SH3RF2: variants seen among roughly 807,000 people sequenced by gnomAD.
SH3RF2 encodes SH3 domain containing ring finger 2, also known as E3 ubiquitin-protein ligase SH3RF2.
SH3RF2 carries 43 observed loss-of-function variants against 59.0 expected under a neutral mutation model. The observed-to-expected ratio is 0.73, with a 90% CI of 0.57 to 0.94. The LOEUF is 0.94. SH3RF2 is among the 40% of genes least tolerant of loss of function. The probability of loss-of-function intolerance (pLI) is 0.00; values close to 1 mark genes in which losing one functional copy is unlikely to be tolerated. For synonymous variants in SH3RF2, 391 were observed against 391.5 expected (o/e 1.00, Z 0.01); for missense variants, 930 against 940.1 (o/e 0.99, Z 0.14).
chr5:146,009,445 G>A, intron 4 of SH3RF2, among the ~76,000 whole-genome samples: 1 of 151,898 alleles, frequency 6.6e-6, no homozygotes, highest in Middle Eastern at 3.2e-3. Flanking sequence ...TCCCTCTTTA[G>A]GACTTTCAGA....
intron 2 of SH3RF2, among the ~76,000 whole-genome samples, chr5:145,982,494 C>T (rs1024330210): frequency 2.0e-5 from 3 of 152,162 alleles, no homozygotes; most frequent in Admixed American, 2.0e-4. Context: ...GCAGGAGCCT[C>T]CCCTGGTTCT....
chr5:145,937,385 A>G (rs1025924280), intron 1 of SH3RF2, among the ~76,000 whole-genome samples: 1 of 152,210 alleles, frequency 6.6e-6, no homozygotes, highest in Non-Finnish European at 1.5e-5. Flanking sequence ...CATGTGGTGC[A>G]GATAATAGAT....
At chr5:145,974,193 C>G (rs1477027709) in intron 2 of SH3RF2, among the ~76,000 whole-genome samples, 3 of 152,220 alleles carry the variant, frequency 2.0e-5, no homozygotes, top group Non-Finnish European at 4.4e-5. Flanking sequence ...GTCCTCAGCT[C>G]TTTGCCATAT....
chr5:146,022,567 A>G (rs1029950273), intron 5 of SH3RF2, among the ~76,000 whole-genome samples: 1 of 152,144 alleles, frequency 6.6e-6, no homozygotes, highest in Non-Finnish European at 1.5e-5. Context: ...TGATTCCATT[A>G]TCACACACTA....
At position 146,000,241 on chromosome 5, in the gene SH3RF2, C is replaced by A. The variant is rs1457209341; in HGVS notation, c.562C>A (p.Pro188Thr). 1.2e-6 allele frequency: 2 copies of A among 1,613,948 alleles called. No individual in the cohort carries two copies. Among genetic ancestry groups the A allele is most frequent in the Non-Finnish European group, 1.7e-6 (2 of 1,179,976 alleles). The change falls in exon 3 of 10, where the codon CCG (proline) becomes ACG (threonine). Residue 188 changes from proline to threonine, a missense_variant. By Grantham distance (38) the Pro-to-Thr change is conservative (BLOSUM62 -1). Coordinates refer to ENST00000359120, the MANE Select transcript of SH3RF2 (RefSeq NM_152550.4). Reference protein sequence around the residue: ...SVEVIKQLPQPPPLCRALYNF... With the variant: ...SVEVIKQLPQTPPLCRALYNF... ...GGAAGTCATCAAGCAGCTGCCCCAG[C>A]CGCCCCCGCTCTGCAGGGCCCTCTA...
intron 4 of SH3RF2, among the ~76,000 whole-genome samples, chr5:146,011,860 A>G (rs1381976971): frequency 3.3e-5 from 5 of 152,144 alleles, no homozygotes; most frequent in African/African-American, 1.2e-4. Context: ...TTCCTAATTG[A>G]ATACCCTTTA....
chr5:146,009,513 C>A (rs1436992240), intron 4 of SH3RF2, among the ~76,000 whole-genome samples: 5 of 152,156 alleles, frequency 3.3e-5, no homozygotes, highest in Admixed American at 1.3e-4. Context: ...ATAGCTAGCT[C>A]CTTCTTGACA....
chr5:146,017,967 T>C (rs1761169667), intron 5 of SH3RF2, among the ~76,000 whole-genome samples: 1 of 152,196 alleles, frequency 6.6e-6, no homozygotes, highest in African/African-American at 2.4e-5. Context: ...CCAGAAACTA[T>C]AATAAGTGAT....
intron 2 of SH3RF2, among the ~76,000 whole-genome samples, chr5:145,985,174 G>T (rs1380735401): frequency 3.9e-5 from 6 of 152,098 alleles, no homozygotes; most frequent in Non-Finnish European, 8.8e-5. Flanking sequence ...AAAAAGTCTT[G>T]GCTTCAGGGA....
intron 2 of SH3RF2, among the ~76,000 whole-genome samples, chr5:145,946,693 A>T (rs1368076224): frequency 6.6e-6 from 1 of 152,162 alleles, no homozygotes; most frequent in African/African-American, 2.4e-5. Flanking sequence ...AGGCAGTGCC[A>T]CTCTGCATAT....
intron 2 of SH3RF2, among the ~76,000 whole-genome samples, chr5:145,963,243 A>AATGG (rs58658769): frequency 0.069 from 10,208 of 147,974 alleles, 366 homozygotes; most frequent in African/African-American, 0.09. Flanking sequence ...ATACTGGATG[A>AATGG]ATGGATGGAT....
intron 5 of SH3RF2, among the ~76,000 whole-genome samples, chr5:146,047,133 T>C (rs1762331626): frequency 7.5e-6 from 1 of 132,670 alleles, no homozygotes; most frequent in Non-Finnish European, 1.6e-5. Context: ...CAAATTCAAC[T>C]ACTATAAGTC....
rs556379617 is a variant in SH3RF2 at position 145,973,086 on chromosome 5, G to A, written c.379-26972G>A. Among the ~76,000 whole-genome samples, 65 of 152,302 alleles carry A rather than the reference G, an allele frequency of 4.3e-4. 1 individual carries two copies. The South Asian group carries it at 0.012, about 28-fold the overall frequency. ...GACCCGTGCTTGGGACTCAGGAAAG[G>A]CATTCTAGAGTAAATGACACCTCAA... On this transcript the variant is annotated intron_variant, in intron 2 of 9. Transcript: ENST00000359120.
At chr5:145,988,033 A>G (rs1759783729) in intron 2 of SH3RF2, among the ~76,000 whole-genome samples, 1 of 152,230 alleles carries the variant, frequency 6.6e-6, no homozygotes, top group South Asian at 2.1e-4. Context: ...TTCCAGTGAA[A>G]GAAAATAAGT....
intron 2 of SH3RF2, among the ~76,000 whole-genome samples, chr5:145,950,125 A>G (rs576202539): frequency 6.6e-6 from 1 of 152,290 alleles, no homozygotes; most frequent in Admixed American, 6.5e-5. Flanking sequence ...AGCTCACACC[A>G]TGTGCCCAGA....
At position 146,002,515 on chromosome 5, in the gene SH3RF2, AG is replaced by A. The variant is rs1256909418; in HGVS notation, c.649-1541del. The stretch of plus-strand genomic sequence containing the variant: ...AAGGAAGGAAGGAAGGAAGGAAGGA[AG>A]GAAGGAAGGAAGGAAGGAAGGATAA... On this transcript the variant is annotated intron_variant, in intron 3 of 9. Transcript: ENST00000359120. Among the ~76,000 whole-genome samples, 198 of 150,740 alleles carry A rather than the reference AG, an allele frequency of 1.3e-3. 1 individual carries two copies. Among genetic ancestry groups the A allele is most frequent in the African/African-American group, 4.6e-3 (186 of 40,836 alleles).
At chr5:145,979,373 T>A (rs973025896) in intron 2 of SH3RF2, among the ~76,000 whole-genome samples, 1 of 152,142 alleles carries the variant, frequency 6.6e-6, no homozygotes, top group African/African-American at 2.4e-5. Flanking sequence ...GAGATAAGAG[T>A]TACTTTTAAA....
chr5:145,943,835 C>T (rs1038336189), intron 2 of SH3RF2, among the ~76,000 whole-genome samples: 1 of 152,212 alleles, frequency 6.6e-6, no homozygotes, highest in East Asian at 1.9e-4. Context: ...GTTTTTCTTA[C>T]TCAACCTCAA....
At chr5:145,997,332 T>A (rs1305704549) in intron 2 of SH3RF2, 1 of 1,136,016 alleles carries the variant, frequency 8.8e-7, no homozygotes, top group East Asian at 2.3e-5. Context: ...GCTCCCCGTA[T>A]ATACTGCACC....
Sources: gnomAD v4.1 joint callset for allele counts (sites outside exome capture counted in the v4.1 genomes callset) on GRCh38, gnomAD v4.1.1 for gene constraint, MANE v1.5 for transcripts, NCBI Gene and HGNC (gene_info 2026-07-23, HGNC 2026-07-21) for gene names.